The following CRYBG2 variants were observed in gnomAD, a reference collection of about 807,000 sequenced individuals.
CRYBG2 encodes the protein beta/gamma crystallin domain-containing protein 2.
Under a neutral mutation model 153.4 loss-of-function variants are expected in CRYBG2, and 106 were observed. The observed-to-expected ratio is 0.69, with a 90% CI of 0.59 to 0.81. The LOEUF is 0.81. Ranked by LOEUF, CRYBG2 falls within the 30% of genes least tolerant of loss-of-function variation. CRYBG2 has a pLI of 0.00. For synonymous variants in CRYBG2, 851 were observed against 877.8 expected (o/e 0.97, Z 0.54); for missense variants, 1,996 against 2,112.0 (o/e 0.95, Z 1.08).
chr1:26,323,281 A>G (rs114017533), intron 18 of CRYBG2, among the ~76,000 whole-genome samples: 1,950 of 151,252 alleles, frequency 0.013, 47 homozygotes, highest in African/African-American at 0.045. Context: ...GCATCTCATT[A>G]TGCTGCCCAG....
At chr1:26,349,884 A>G (rs1397298598) in intron 1 of CRYBG2, among the ~76,000 whole-genome samples, 1 of 136,070 alleles carries the variant, frequency 7.3e-6, no homozygotes, top group Non-Finnish European at 1.5e-5. Flanking sequence ...GCACAATCTC[A>G]GCTTACTGCA....
At chr1:26,328,453 T>C in intron 16 of CRYBG2, 121 bp from the exon 17 acceptor site, 1 of 1,379,138 alleles carries the variant, frequency 7.3e-7, no homozygotes, top group Non-Finnish European at 9.8e-7. Context: ...ATGGAGGGAT[T>C]CCTCTGCCTG....
intron 16 of CRYBG2, 68 bp downstream of exon 16, chr1:26,328,666 G>A (rs1229533894): frequency 1.3e-6 from 2 of 1,545,924 alleles, no homozygotes; most frequent in East Asian, 2.3e-5. Flanking sequence ...AGACCCCCAG[G>A]ATCTCTGTCT....
Position 26,346,192 on chromosome 1 carries a change from G to T in CRYBG2, c.466C>A (p.His156Asn). Reference protein sequence around the residue: ...PLPGPREPSPHPGVGLTSGSS... With the variant: ...PLPGPREPSPNPGVGLTSGSS... ...CCACTGGTGAGACCTACACCTGGGT[G>T]GGGACTTGGCTCTCGGGGCCCAGGC... The change falls in exon 2 of 20, where the codon CAC (histidine) becomes AAC (asparagine). Residue 156 changes from histidine (H) to asparagine (N), a missense_variant. Transcript: ENST00000308182. This position sits in a 1 kb window ranked among gnomAD's most constrained non-coding sequence, Gnocchi z 4.9. 6.4e-7 allele frequency: 1 copy of T among 1,571,834 alleles called. No homozygotes were observed. The highest frequency in any genetic ancestry group is 8.6e-7 in the Non-Finnish European group (1 of 1,165,696).
chr1:26,343,279 C>A lies in CRYBG2; in HGVS notation c.2928G>T (p.Lys976Asn). The A allele has an allele frequency of 1.9e-6, 3 of 1,550,358 alleles. No individual in the cohort carries two copies. Among genetic ancestry groups the A allele is most frequent in the Non-Finnish European group, 1.7e-6 (2 of 1,146,932 alleles). The change falls in exon 3 of 20, where the codon AAG becomes AAT. Residue 976 changes from lysine (K) to asparagine (N), a missense_variant. Transcript: ENST00000308182. This position sits in a 1 kb window ranked among gnomAD's most constrained non-coding sequence, Gnocchi z 4.1. ...LPLEGWSPAL[K>N]TQGKLNTRPG... Reference sequence around the variant, plus strand: ...GCCTGGTGTTCAGCTTGCCCTGGGTCTTTAAGGCTGGGCTCTGAAACGGAG... The same window carrying A: ...GCCTGGTGTTCAGCTTGCCCTGGGTATTTAAGGCTGGGCTCTGAAACGGAG...
Position 26,345,167 on chromosome 1 carries a change from G to C in CRYBG2, c.1491C>G (p.Val497=), listed in dbSNP as rs111981367. The C allele has an allele frequency of 7.1e-6, 4 of 567,034 alleles. No homozygotes were observed. Among genetic ancestry groups the C allele is most frequent in the Non-Finnish European group, 7.6e-6 (3 of 394,428 alleles). 35.1% of individuals were successfully genotyped at this position (567,034 alleles called of 1,614,324 possible). The part of the protein sequence containing the change: ...SAASSPTWKE[V]VKGPGAPAAS... ...CAGCAGGAGCACCAGGGCCCTTCACGACCTCTTTCCAGGTGGGGGACGAGG... is the reference window on the plus strand; with the variant it reads ...CAGCAGGAGCACCAGGGCCCTTCACCACCTCTTTCCAGGTGGGGGACGAGG... The change falls in exon 2 of 20, where the codon GTC becomes GTG. Residue 497 remains valine (V), a synonymous_variant. Transcript: ENST00000308182.
intron 17 of CRYBG2, among the ~76,000 whole-genome samples, chr1:26,324,585 G>A (rs1276105798): frequency 6.6e-6 from 1 of 151,754 alleles, no homozygotes; most frequent in Non-Finnish European, 1.5e-5. Context: ...GGGACAAACT[G>A]ACAGATACAC....
intron 17 of CRYBG2, chr1:26,324,752 A>G (rs952868134): frequency 2.6e-5 from 4 of 153,574 alleles, no homozygotes; most frequent in African/African-American, 9.7e-5. Context: ...GGGCATACAG[A>G]TGTGCACACA....
In CRYBG2 at chr1:26,343,477, T is replaced by C. The variant is rs1469191216; in HGVS notation, c.2914-184A>G. On this transcript the variant is annotated intron_variant, in intron 2 of 19. Coordinates refer to ENST00000308182, the MANE Select transcript of CRYBG2 (RefSeq NM_001039775.4). This position sits in a 1 kb window ranked among gnomAD's most constrained non-coding sequence, Gnocchi z 4.1. ...GCCTCATCACCCTGTCCCAGGAGCT[T>C]GGTGCTCATCACCCGCCTTCCTCAG... 2.0e-5 allele frequency among the ~76,000 whole-genome samples: 3 copies of C among 152,128 alleles called. No homozygotes were observed. Among genetic ancestry groups the C allele is most frequent in the Non-Finnish European group, 4.4e-5 (3 of 68,004 alleles).
At position 26,322,054 on chromosome 1, in the gene CRYBG2, C is replaced by T; in HGVS notation, c.4900G>A (p.Gly1634Ser). 1 of 1,606,290 alleles carries T rather than the reference C, an allele frequency of 6.2e-7. No individual in the cohort carries two copies. The highest frequency in any genetic ancestry group is 8.5e-7 in the Non-Finnish European group (1 of 1,173,808). The change falls in exon 20 of 20, where the codon GGC (glycine) becomes AGC (serine). Residue 1634 changes from glycine (G) to serine (S), a missense_variant and splice_region_variant. Transcript: ENST00000308182. ...ACGTGGTCCCGGTCGTAGCCCCGGC[C>T]TCCTGGGGGTGGGATGGGGATTAAA... ...FEGQILDVKG[G>S]RGYDRDHVVL...
intron 15 of CRYBG2, among the ~76,000 whole-genome samples, chr1:26,329,470 G>A (rs924661162): frequency 4.9e-5 from 7 of 142,466 alleles, no homozygotes; most frequent in Admixed American, 1.5e-4. Flanking sequence ...GCCACCATGC[G>A]CAGCTTAGAT....
At position 26,343,119 on chromosome 1, in the gene CRYBG2, C is replaced by T. The variant is rs1460165134; in HGVS notation, c.3002G>A (p.Arg1001Lys). 5 of 1,550,422 alleles carry T rather than the reference C, an allele frequency of 3.2e-6. No individual in the cohort carries two copies. Among genetic ancestry groups the T allele is most frequent in the Non-Finnish European group, 2.6e-6 (3 of 1,146,980 alleles). ...FSESGCQGSG[R>K]EVWGDIVDAS... The stretch of plus-strand genomic sequence containing the variant: ...ATCAACGATGTCTCCCCAGACCTCC[C>T]TGCCACTGCCTTGGCAGCCAGACTC... Residue 1001 changes from arginine (R) to lysine (K), a missense_variant, in exon 4 of 20, where the codon AGG (arginine) becomes AAG (lysine). Physicochemically the swap from Arg to Lys is conservative, Grantham distance 26. Transcript: ENST00000308182. The surrounding 1 kb of genome is among the most constrained non-coding windows in gnomAD (Gnocchi z 4.1).
At chr1:26,347,562 C>G (rs1161721380) in intron 1 of CRYBG2, among the ~76,000 whole-genome samples, 4 of 151,862 alleles carry the variant, frequency 2.6e-5, no homozygotes, top group Non-Finnish European at 5.9e-5. Flanking sequence ...GATCTCGGCT[C>G]ACTGCAAGCT....
chr1:26,337,808 C>T (rs907897289), intron 8 of CRYBG2, 134 bp from the exon 9 acceptor site: 2 of 1,356,972 alleles, frequency 1.5e-6, no homozygotes, highest in African/African-American at 1.5e-5. Context: ...CATCCCCTTA[C>T]CCAATTCCTA....
chr1:26,343,820 TC>T lies in CRYBG2; in HGVS notation c.2837del (p.Gly946AspfsTer30). The T allele has an allele frequency of 6.8e-7, 1 of 1,465,302 alleles. No homozygotes were observed. Among genetic ancestry groups the T allele is most frequent in the Non-Finnish European group, 9.0e-7 (1 of 1,105,772 alleles). 90.8% of individuals were successfully genotyped at this position (1,465,302 alleles called of 1,614,324 possible). Reference sequence around the variant, plus strand: ...TTTCACTGCAAAGCAGGGGCAACTGTCCTGGCACCTTCCTGAGCCCCGGTGC... The same window carrying T: ...TTTCACTGCAAAGCAGGGGCAACTGTCTGGCACCTTCCTGAGCCCCGGTGC... ...HGAPGLRKVP[G>X]QLPLLCSERS... On this transcript the variant is annotated frameshift_variant, in exon 2 of 20. Transcript: ENST00000308182. LOFTEE classifies it high-confidence loss of function. This position sits in a 1 kb window ranked among gnomAD's most constrained non-coding sequence, Gnocchi z 4.1.
intron 17 of CRYBG2, chr1:26,326,976 G>T (rs2073933605): frequency 9.9e-6 from 5 of 503,468 alleles, no homozygotes; most frequent in East Asian, 5.4e-5. Flanking sequence ...CTTTCCTTAT[G>T]CAGCAGCTAA....
chr1:26,332,279 C>A (rs1258900658), intron 14 of CRYBG2, among the ~76,000 whole-genome samples: 3 of 146,406 alleles, frequency 2.0e-5, no homozygotes, highest in Admixed American at 1.4e-4. Context: ...TACACTCCAG[C>A]CTGGGCAACA....
intron 14 of CRYBG2, among the ~76,000 whole-genome samples, chr1:26,332,634 G>C (rs945293482): frequency 6.6e-6 from 1 of 151,984 alleles, no homozygotes; most frequent in African/African-American, 2.4e-5. Context: ...AGCCTCCTGA[G>C]TAGCTGGGAC....
Position 26,322,285 on chromosome 1 carries a change from AG to A in CRYBG2, c.4775del (p.Pro1592LeufsTer40). The A allele has an allele frequency of 2.5e-6, 4 of 1,613,678 alleles. No individual in the cohort carries two copies. The highest frequency in any genetic ancestry group is 2.2e-5 in the South Asian group (2 of 90,968). The stretch of plus-strand genomic sequence containing the variant: ...ACAGCACCACCTTGGAGCCTGGGCT[AG>A]GGGGTCCAATCACCTGTAGGCTCAT... The part of the protein sequence containing the change: ...PTMSLQVIGP[P>X]SPGSKVVLWA... On this transcript the variant is annotated frameshift_variant, in exon 19 of 20. Coordinates refer to ENST00000308182, the MANE Select transcript of CRYBG2 (RefSeq NM_001039775.4). LOFTEE classifies it high-confidence loss of function.
Sources: gnomAD v4.1 joint callset for allele counts (sites outside exome capture counted in the v4.1 genomes callset) on GRCh38, gnomAD v4.1.1 for gene constraint, Gnocchi (gnomAD v3.1) non-coding constraint, MANE v1.5 for transcripts, NCBI Gene and HGNC (gene_info 2026-07-23, HGNC 2026-07-21) for gene names.